Variants in NIPBL observed in about 807,000 individuals in gnomAD.
The protein encoded by NIPBL is NIPBL cohesin loading factor.
NIPBL carries 19 observed loss-of-function variants against 321.8 expected under a neutral mutation model. That is an observed-to-expected ratio of 0.06 (90% CI 0.04 to 0.09). The LOEUF is 0.09. Among genes scored for constraint, NIPBL ranks in the 10% least tolerant of loss-of-function variants. The probability of loss-of-function intolerance (pLI) is 1.00; values close to 1 mark genes in which losing one functional copy is unlikely to be tolerated. For synonymous variants in NIPBL, 1,106 were observed against 1,114.1 expected, an observed-to-expected ratio of 0.99 and a Z score of 0.14; for missense variants, 2,210 against 3,327.0, an observed-to-expected ratio of 0.66 and a Z score of 8.26.
At chr5:36,927,598 A>T (rs1336793503) in intron 1 of NIPBL, among the ~76,000 whole-genome samples, 1 of 152,196 alleles carries the variant, frequency 6.6e-6, no homozygotes, top group Non-Finnish European at 1.5e-5. Context: ...GGAGTCAAGG[A>T]TAATAAGATT....
intron 17 of NIPBL, 76 bp downstream of exon 17, chr5:37,006,664 C>T (rs1747468643): frequency 1.2e-6 from 1 of 866,708 alleles, no homozygotes; most frequent in Non-Finnish European, 1.9e-6. Context: ...TAAAATGGCA[C>T]CAAAATTTTT....
chr5:37,035,999 T>C (rs1319574807), intron 32 of NIPBL, among the ~76,000 whole-genome samples: 2 of 152,136 alleles, frequency 1.3e-5, no homozygotes, highest in African/African-American at 4.8e-5. Context: ...GATGCAGTTA[T>C]TAATTATTTA....
intron 1 of NIPBL, among the ~76,000 whole-genome samples, chr5:36,882,352 G>A (rs1392340802): frequency 9.2e-5 from 14 of 151,818 alleles, no homozygotes; most frequent in East Asian, 1.9e-4. Flanking sequence ...GAAACTGTGC[G>A]AGGGAAAAGG....
At chr5:37,048,963 A>ACACACACT in intron 39 of NIPBL, 148 bp from the exon 40 acceptor site, 1 of 803,820 alleles carries the variant, frequency 1.2e-6, no homozygotes, top group South Asian at 1.5e-5. Context: ...ACACACACAC[A>ACACACACT]CACACACTCA....
intron 42 of NIPBL, 72 bp downstream of exon 42, chr5:37,052,638 T>A: frequency 2.7e-6 from 3 of 1,128,192 alleles, no homozygotes; most frequent in Admixed American, 1.8e-5. Context: ...AGTCATTTTT[T>A]AAATATTACC....
intron 41 of NIPBL, 66 bp downstream of exon 41, chr5:37,051,952 A>T: frequency 9.0e-7 from 1 of 1,109,402 alleles, no homozygotes; most frequent in East Asian, 2.5e-5. Context: ...TTTCTTTGAT[A>T]AATGCTCTGC....
chr5:36,945,518 C>T (rs1197074878), intron 1 of NIPBL, among the ~76,000 whole-genome samples: 1 of 152,066 alleles, frequency 6.6e-6, no homozygotes, highest in African/African-American at 2.4e-5. Context: ...CCTTCTAATA[C>T]ACGTTATAAA....
chr5:36,917,517 G>T (rs1160588815), intron 1 of NIPBL, among the ~76,000 whole-genome samples: 1 of 152,006 alleles, frequency 6.6e-6, no homozygotes, highest in Non-Finnish European at 1.5e-5. Flanking sequence ...TTTGGCTTTT[G>T]TTGCCATTGC....
chr5:36,998,823 CACTA>C (rs1746446619), intron 11 of NIPBL, among the ~76,000 whole-genome samples: 1 of 152,100 alleles, frequency 6.6e-6, no homozygotes, highest in Non-Finnish European at 1.5e-5. Flanking sequence ...AACAAGTTGT[CACTA>C]AAGGAATGTA....
chr5:37,059,356 A>C (rs1049598827), intron 44 of NIPBL, among the ~76,000 whole-genome samples, 191 bp downstream of exon 44: 1 of 152,064 alleles, frequency 6.6e-6, no homozygotes, highest in Non-Finnish European at 1.5e-5. Context: ...AAAATACAAA[A>C]ATTAGCCTAG....
intron 8 of NIPBL, 137 bp from the exon 9 acceptor site, chr5:36,975,639 G>T (rs537439050): frequency 5.6e-5 from 47 of 844,842 alleles, no homozygotes; most frequent in Non-Finnish European, 8.3e-5. Context: ...TTCATCTTTC[G>T]TAAATAAGTA....
chr5:36,960,939 A>AT (rs1171477880), intron 4 of NIPBL, among the ~76,000 whole-genome samples: 1 of 152,154 alleles, frequency 6.6e-6, no homozygotes, highest in Admixed American at 6.5e-5. Flanking sequence ...GAAAGAAGGA[A>AT]TAGGTACATT....
chr5:36,894,645 T>A (rs927476355), intron 1 of NIPBL, among the ~76,000 whole-genome samples: 1 of 152,210 alleles, frequency 6.6e-6, no homozygotes, highest in African/African-American at 2.4e-5. Context: ...TTATGTTTTT[T>A]TCCCCCCACT....
At chr5:36,910,784 A>G (rs559875187) in intron 1 of NIPBL, among the ~76,000 whole-genome samples, 1 of 152,332 alleles carries the variant, frequency 6.6e-6, no homozygotes, top group East Asian at 1.9e-4. Context: ...AAATAATTAT[A>G]TAAGCTTGCA....
At chr5:36,935,814 C>G (rs1738347415) in intron 1 of NIPBL, among the ~76,000 whole-genome samples, 1 of 152,024 alleles carries the variant, frequency 6.6e-6, no homozygotes, top group Non-Finnish European at 1.5e-5. Flanking sequence ...CCTCTTCCAG[C>G]TATGGTAGTG....
At chr5:37,032,561 G>A (rs1004155785) in intron 32 of NIPBL, among the ~76,000 whole-genome samples, 2 of 151,894 alleles carry the variant, frequency 1.3e-5, no homozygotes, top group Non-Finnish European at 2.9e-5. Flanking sequence ...TTTGAAGCCT[G>A]GAGTTTTAGA....
intron 21 of NIPBL, among the ~76,000 whole-genome samples, chr5:37,013,953 C>T (rs1748584297): frequency 6.6e-6 from 1 of 152,246 alleles, no homozygotes; most frequent in South Asian, 2.1e-4. Flanking sequence ...CGTCTGCAAT[C>T]CCAGCACCTC....
At chr5:36,925,495 A>G (rs770161200) in intron 1 of NIPBL, among the ~76,000 whole-genome samples, 13 of 151,922 alleles carry the variant, frequency 8.6e-5, no homozygotes, top group Non-Finnish European at 1.9e-4. Flanking sequence ...CGAACTCCCG[A>G]CCTCAGGTGA....
chr5:36,936,296 A>G (rs1025103310), intron 1 of NIPBL, among the ~76,000 whole-genome samples: 2 of 152,170 alleles, frequency 1.3e-5, no homozygotes, highest in Admixed American at 6.6e-5. Context: ...CATTTGGTCA[A>G]CAACAGACCA....
Sources: allele counts gnomAD v4.1 joint callset (sites outside exome capture counted in the v4.1 genomes callset), GRCh38; gene constraint gnomAD v4.1.1; transcripts MANE v1.5; gene names NCBI Gene and HGNC (gene_info 2026-07-23, HGNC 2026-07-21).